RBM46: variants seen among roughly 807,000 people sequenced by gnomAD.
RBM46 encodes RNA binding motif protein 46.
RBM46 carries 12 observed loss-of-function variants against 43.3 expected under a neutral mutation model. The observed-to-expected ratio is 0.28, with a 90% CI of 0.18 to 0.45. The LOEUF is 0.45. RBM46 is among the 20% of genes least tolerant of loss of function. The pLI is 1.00. For synonymous variants in RBM46, 205 were observed against 207.6 expected (o/e 0.99, Z 0.11); for missense variants, 412 against 639.1 (o/e 0.64, Z 3.83).
chr4:154,796,998 T>C (rs1734385363), intron 2 of RBM46, 95 bp downstream of exon 2: 2 of 991,378 alleles, frequency 2.0e-6, no homozygotes, highest in Non-Finnish European at 2.9e-6. Flanking sequence ...AATAGCTCTC[T>C]CCTTGTAACT....
chr4:154,796,654 C>CT (rs1245287575), intron 1 of RBM46, 88 bp from the exon 2 acceptor site: 2 of 885,582 alleles, frequency 2.3e-6, no homozygotes, highest in African/African-American at 3.4e-5. Context: ...CCACAACTGT[C>CT]TTTGTTTTTC....
intron 4 of RBM46, chr4:154,827,535 A>C: frequency 9.5e-7 from 1 of 1,057,870 alleles, no homozygotes; most frequent in Non-Finnish European, 1.1e-6. Context: ...CTTAGAACCA[A>C]ATTTAAAAGA....
At position 154,784,766 on chromosome 4, in the gene RBM46, G is replaced by A. The variant is rs116041883; in HGVS notation, c.-12+3330G>A. 9.2e-3 allele frequency among the ~76,000 whole-genome samples: 1,400 copies of A among 152,266 alleles called. 17 individuals carry two copies. The highest frequency in any genetic ancestry group is 0.012 in the Non-Finnish European group (820 of 68,006). Reference sequence around the variant, plus strand: ...GGGTAAGGAAATAAGTTTTTAGAACGCTTTGTAGTGTGACTTCACACCTGA... The same window carrying A: ...GGGTAAGGAAATAAGTTTTTAGAACACTTTGTAGTGTGACTTCACACCTGA... On this transcript the variant is annotated intron_variant, in intron 1 of 4. Coordinates refer to ENST00000281722, the MANE Select transcript of RBM46 (RefSeq NM_144979.5).
chr4:154,803,548 A>G (rs547180191), intron 4 of RBM46, among the ~76,000 whole-genome samples: 2 of 151,616 alleles, frequency 1.3e-5, no homozygotes, highest in East Asian at 3.9e-4. Flanking sequence ...TAAAAATACA[A>G]AAAAATTAGC....
At chr4:154,823,477 A>G (rs1735814502) in intron 4 of RBM46, among the ~76,000 whole-genome samples, 2 of 151,894 alleles carry the variant, frequency 1.3e-5, no homozygotes, top group Admixed American at 6.6e-5. Flanking sequence ...AAATTAGTCT[A>G]AAGAGTATCT....
chr4:154,786,552 C>T (rs1472446908), intron 1 of RBM46, among the ~76,000 whole-genome samples: 3 of 152,048 alleles, frequency 2.0e-5, no homozygotes, highest in African/African-American at 7.2e-5. Flanking sequence ...AGACTTTTCC[C>T]TTGATAAAAA....
intron 4 of RBM46, among the ~76,000 whole-genome samples, chr4:154,804,047 A>T (rs1480625271): frequency 6.6e-6 from 1 of 152,074 alleles, no homozygotes; most frequent in Non-Finnish European, 1.5e-5. Context: ...TTGCCATGGG[A>T]TGTGCCTGCC....
chr4:154,806,502 A>G (rs1271258309), intron 4 of RBM46, among the ~76,000 whole-genome samples: 2 of 151,854 alleles, frequency 1.3e-5, no homozygotes, highest in Non-Finnish European at 3.0e-5. Context: ...ATAATACTTT[A>G]AAATATTTTA....
At chr4:154,821,570 T>A (rs538834169) in intron 4 of RBM46, among the ~76,000 whole-genome samples, 1 of 151,788 alleles carries the variant, frequency 6.6e-6, no homozygotes, top group Non-Finnish European at 1.5e-5. Context: ...AAGATCTAGA[T>A]GTATTTCTTT....
Position 154,799,417 on chromosome 4 carries a change from A to G in RBM46, c.1255A>G (p.Ser419Gly). Residue 419 changes from serine (S) to glycine (G), a missense_variant, in exon 4 of 5, where the codon AGT (serine) becomes GGT (glycine). Around this residue, in one of 8 missense-constraint regions of RBM46, gnomAD observed 149 missense variants for 156.3 expected, o/e 0.95. Transcript: ENST00000281722. Reference sequence around the variant, plus strand: ...AGAATATTATTTATATTCAACAACAAGTCAAGATGGGAAAGTACTCTTGGT... The same window carrying G: ...AGAATATTATTTATATTCAACAACAGGTCAAGATGGGAAAGTACTCTTGGT... ...PPEYYLYSTT[S>G]QDGKVLLVYK... 6.2e-7 allele frequency: 1 copy of G among 1,614,160 alleles called. No individual in the cohort carries two copies. The highest frequency in any genetic ancestry group is 8.5e-7 in the Non-Finnish European group (1 of 1,180,016).
At chr4:154,819,832 A>G (rs969155459) in intron 4 of RBM46, among the ~76,000 whole-genome samples, 3 of 152,140 alleles carry the variant, frequency 2.0e-5, no homozygotes, top group Non-Finnish European at 4.4e-5. Context: ...GTTGTACTAT[A>G]TATGACTAAA....
intron 4 of RBM46, chr4:154,820,438 G>C: frequency 7.1e-7 from 1 of 1,398,922 alleles, no homozygotes; most frequent in Non-Finnish European, 9.7e-7. Context: ...AGTTTATTAG[G>C]TAAAACTCTC....
intron 4 of RBM46, among the ~76,000 whole-genome samples, chr4:154,817,418 C>T (rs537775291): frequency 2.1e-4 from 32 of 151,234 alleles, no homozygotes; most frequent in African/African-American, 6.3e-4. Context: ...CTGCAACCTC[C>T]GCCTCCTGGG....
At chr4:154,790,586 C>T (rs928255590) in intron 1 of RBM46, 1 of 152,030 alleles carries the variant, frequency 6.6e-6, no homozygotes, top group Admixed American at 6.6e-5. Flanking sequence ...ATTATCAGGG[C>T]CCAGATTGTA....
intron 1 of RBM46, among the ~76,000 whole-genome samples, chr4:154,785,144 T>G (rs1733696929): frequency 6.6e-6 from 1 of 152,174 alleles, no homozygotes; most frequent in Non-Finnish European, 1.5e-5. Context: ...GTCTTTTACT[T>G]CTGTAATTTC....
rs561281413 is a variant in RBM46 at position 154,799,798 on chromosome 4, C to T, written c.1402+234C>T. Among the ~76,000 whole-genome samples, 11 of 134,332 alleles carry T rather than the reference C, an allele frequency of 8.2e-5. 1 individual carries two copies. Among genetic ancestry groups the T allele is most frequent in the Admixed American group, 7.3e-4 (9 of 12,254 alleles). 88.1% of individuals were successfully genotyped at this position (134,332 alleles called of 152,430 possible). A position where few individuals can be genotyped will look rare whatever the true frequency, so the allele number is the denominator to read the frequency against. On this transcript the variant is annotated intron_variant, in intron 4 of 4. Transcript: ENST00000281722. ...TTTGAGAGATGGAGTCTTGCTTTGT[C>T]GCCTAGGCTTATGTGCAGTGGCATG...
intron 4 of RBM46, among the ~76,000 whole-genome samples, chr4:154,803,901 A>G (rs778883365): frequency 2.0e-5 from 3 of 152,014 alleles, no homozygotes; most frequent in Non-Finnish European, 4.4e-5. Context: ...TGATTGGATC[A>G]TGGCGGTGGA....
chr4:154,793,795 C>T (rs1734215395), intron 1 of RBM46, among the ~76,000 whole-genome samples: 1 of 152,186 alleles, frequency 6.6e-6, no homozygotes, highest in Non-Finnish European at 1.5e-5. Context: ...GTAGCCACTG[C>T]CTTTTTCAGA....
At chr4:154,795,568 C>T (rs541057726) in intron 1 of RBM46, among the ~76,000 whole-genome samples, 36 of 152,172 alleles carry the variant, frequency 2.4e-4, no homozygotes, top group African/African-American at 7.5e-4. Context: ...TTTGCAGTCA[C>T]GGCTCACTGC....
Sources: gnomAD v4.1 joint callset for allele counts (sites outside exome capture counted in the v4.1 genomes callset) on GRCh38, gnomAD v4.1.1 for gene constraint, gnomAD v4.1.1 regional missense constraint, MANE v1.5 for transcripts, NCBI Gene and HGNC (gene_info 2026-07-23, HGNC 2026-07-21) for gene names.